PSMD1: variants seen among roughly 807,000 people sequenced by gnomAD.
The protein encoded by PSMD1 is 26S proteasome non-ATPase regulatory subunit 1.
In PSMD1, 18 loss-of-function variants were observed where a neutral mutation model predicts 119.0. The ratio of observed to expected loss-of-function variants is 0.15; its 90% CI spans 0.10 to 0.22. PSMD1 has a LOEUF of 0.22. Ranked by LOEUF, PSMD1 falls within the 10% of genes least tolerant of loss-of-function variation. The pLI is 1.00. For missense variants in PSMD1, 702 were observed against 1,158.5 expected (o/e 0.61, Z 5.72); for synonymous variants, 374 against 396.6 (o/e 0.94, Z 0.68).
intron 11 of PSMD1, 122 bp downstream of exon 11, chr2:231,079,736 T>C: frequency 6.8e-6 from 4 of 592,508 alleles, no homozygotes; most frequent in African/African-American, 1.9e-5. Flanking sequence ...AGATAAGTCA[T>C]TTTGTGGAGA....
intron 17 of PSMD1, among the ~76,000 whole-genome samples, chr2:231,139,314 C>CTTTTTTTTTTTTTTTTT (rs60709158): frequency 7.5e-5 from 7 of 93,536 alleles, no homozygotes; most frequent in African/African-American, 1.3e-4. Flanking sequence ...TTTTTTCTTT[C>CTTTTTTTTTTTTTTTTT]TTTTTTTTTT....
intron 16 of PSMD1, among the ~76,000 whole-genome samples, chr2:231,131,088 G>T (rs960039516): frequency 1.7e-4 from 26 of 152,234 alleles, no homozygotes; most frequent in Admixed American, 7.2e-4. Context: ...ATTTGTTGAA[G>T]AAACCAGTTA....
At chr2:231,146,435 T>C in intron 18 of PSMD1, 79 bp downstream of exon 18, 1 of 1,092,858 alleles carries the variant, frequency 9.2e-7, no homozygotes, top group Middle Eastern at 2.0e-4. Flanking sequence ...TGAGGACGTT[T>C]TTTAGTTCAA....
intron 7 of PSMD1, among the ~76,000 whole-genome samples, chr2:231,073,148 C>T (rs1294935660): frequency 1.3e-5 from 2 of 152,160 alleles, no homozygotes; most frequent in Non-Finnish European, 2.9e-5. Flanking sequence ...TCAGAACACA[C>T]ACATTTATTG....
chr2:231,135,360 T>G (rs1399528516), intron 16 of PSMD1, among the ~76,000 whole-genome samples: 1 of 152,174 alleles, frequency 6.6e-6, no homozygotes, highest in Non-Finnish European at 1.5e-5. Flanking sequence ...GCTGTAGAAT[T>G]GTAAAGTTGG....
At chr2:231,139,702 G>A (rs1408238812) in intron 17 of PSMD1, among the ~76,000 whole-genome samples, 1 of 151,820 alleles carries the variant, frequency 6.6e-6, no homozygotes, top group African/African-American at 2.4e-5. Flanking sequence ...GTTCTCATCC[G>A]AAGCCACCAA....
chr2:231,078,794 T>TA, intron 10 of PSMD1, 47 bp downstream of exon 10: 4 of 970,146 alleles, frequency 4.1e-6, no homozygotes, highest in African/African-American at 3.6e-5. Context: ...TCTTTTTCTT[T>TA]TTTTTTTTTT....
intron 16 of PSMD1, among the ~76,000 whole-genome samples, chr2:231,136,426 G>T (rs1238767652): frequency 6.6e-6 from 1 of 152,206 alleles, no homozygotes; most frequent in Non-Finnish European, 1.5e-5. Context: ...CTACGGGCCA[G>T]ATTGGGCCCT....
intron 16 of PSMD1, among the ~76,000 whole-genome samples, chr2:231,089,976 A>C: frequency 6.6e-6 from 1 of 152,176 alleles, no homozygotes; most frequent in East Asian, 1.9e-4. Flanking sequence ...TCAAGTTGAC[A>C]CTCAGTATTA....
rs144714125 is a variant in PSMD1 at position 231,065,077 on chromosome 2, C to T, written c.305-1829C>T. 1.8e-3 allele frequency among the ~76,000 whole-genome samples: 263 copies of T among 147,704 alleles called. 1 individual carries two copies. The highest frequency in any genetic ancestry group is 6.3e-3 in the African/African-American group (250 of 39,660). Reference sequence around the variant, plus strand: ...CTTCAAGATATAGACCCATTTAACCCGGGTCATCTAGTAGGCCAACAATCA... The same window carrying T: ...CTTCAAGATATAGACCCATTTAACCTGGGTCATCTAGTAGGCCAACAATCA... On this transcript the variant is annotated intron_variant, in intron 4 of 24. Coordinates refer to ENST00000308696, the MANE Select transcript of PSMD1 (RefSeq NM_002807.4).
intron 14 of PSMD1, 68 bp downstream of exon 14, chr2:231,083,831 A>G: frequency 6.8e-7 from 1 of 1,472,506 alleles, no homozygotes; most frequent in South Asian, 1.2e-5. Flanking sequence ...ACTTCACTGG[A>G]AATTAACTCT....
chr2:231,111,937 T>C (rs1695169721), intron 16 of PSMD1, among the ~76,000 whole-genome samples: 2 of 152,206 alleles, frequency 1.3e-5, no homozygotes, highest in Middle Eastern at 3.2e-3. Flanking sequence ...CTGTGTATTC[T>C]TAGTACCTAG....
chr2:231,073,994 T>C (rs1164713117), intron 7 of PSMD1, among the ~76,000 whole-genome samples: 1 of 152,208 alleles, frequency 6.6e-6, no homozygotes, highest in Non-Finnish European at 1.5e-5. Flanking sequence ...GTAATCTTTA[T>C]ACCTTTTCCC....
chr2:231,082,944 A>T lies in PSMD1; in HGVS notation c.1475A>T (p.Asp492Val). The T allele has an allele frequency of 1.2e-6, 2 of 1,614,142 alleles. No homozygotes were observed. The highest frequency in any genetic ancestry group is 1.7e-6 in the Non-Finnish European group (2 of 1,179,982). The change falls in exon 13 of 25, where the codon GAT (aspartate) becomes GTT (valine). Residue 492 changes from aspartate to valine, a missense_variant. Asp to Val is a radical substitution (Grantham distance 152). Coordinates refer to ENST00000308696, the MANE Select transcript of PSMD1 (RefSeq NM_002807.4). ...GCAGCCATGGGAACTGCACGTCAAG[A>T]TGTTTATGATTTGCTAAAAACAAAC... ...GLAAMGTARQ[D>V]VYDLLKTNLY...
In PSMD1 at chr2:231,080,290, T is replaced by A. The variant is rs758185841; in HGVS notation, c.1389T>A (p.Asn463Lys). The change falls in exon 12 of 25, where the codon AAT becomes AAA. Residue 463 changes from asparagine to lysine, a missense_variant. Physicochemically the swap from Asn to Lys is moderately conservative, Grantham distance 94. Coordinates refer to ENST00000308696, the MANE Select transcript of PSMD1 (RefSeq NM_002807.4). Reference sequence around the variant, plus strand: ...GTGATATAATTGACTATCTGCTTAATCAGCTTAAGAACGCCAGCAATGATG... The same window carrying A: ...GTGATATAATTGACTATCTGCTTAAACAGCTTAAGAACGCCAGCAATGATG... ...HGGDIIDYLLNQLKNASNDIV... is the reference protein window; with the variant it reads ...HGGDIIDYLLKQLKNASNDIV... The A allele has an allele frequency of 2.5e-6, 4 of 1,611,484 alleles. No homozygotes were observed. Among genetic ancestry groups the A allele is most frequent in the Admixed American group, 1.7e-5 (1 of 59,740 alleles).
At chr2:231,108,283 T>G (rs1695024848) in intron 16 of PSMD1, 3 of 436,270 alleles carry the variant, frequency 6.9e-6, no homozygotes, top group South Asian at 3.6e-5. Flanking sequence ...TCGAATACCT[T>G]AAAATTTAAC....
chr2:231,062,763 T>G, intron 4 of PSMD1, 88 bp downstream of exon 4: 1 of 1,120,206 alleles, frequency 8.9e-7, no homozygotes, highest in Non-Finnish European at 1.2e-6. Context: ...GAATTTGATG[T>G]TGCCAAATTT....
chr2:231,063,777 T>C (rs1162628657), intron 4 of PSMD1, among the ~76,000 whole-genome samples: 1 of 152,228 alleles, frequency 6.6e-6, no homozygotes, highest in African/African-American at 2.4e-5. Context: ...TTCTTCACTT[T>C]AAGCTAGAAG....
chr2:231,057,153 G>C (rs1202875290), intron 1 of PSMD1, 112 bp downstream of exon 1: 5 of 1,323,152 alleles, frequency 3.8e-6, no homozygotes, highest in Non-Finnish European at 4.9e-6. Context: ...GGCCTGGGCA[G>C]CTTCTTGCTG....
Sources: allele counts gnomAD v4.1 joint callset (sites outside exome capture counted in the v4.1 genomes callset), GRCh38; gene constraint gnomAD v4.1.1; transcripts MANE v1.5; gene names NCBI Gene and HGNC (gene_info 2026-07-23, HGNC 2026-07-21).